KCNK12: variants seen among roughly 807,000 people sequenced by gnomAD.
KCNK12 encodes the protein potassium two pore domain channel subfamily K member 12.
In KCNK12, 6 loss-of-function variants were observed where a neutral mutation model predicts 25.3. That is an observed-to-expected ratio of 0.24 (90% CI 0.13 to 0.47). The LOEUF (loss-of-function observed/expected upper bound fraction) is 0.47, where lower values mean the gene tolerates loss of function less well. Among genes scored for constraint, KCNK12 ranks in the 20% least tolerant of loss-of-function variants. The pLI is 0.99. For synonymous variants in KCNK12, 331 were observed against 311.1 expected (o/e 1.06, Z -0.67); for missense variants, 444 against 661.7 (o/e 0.67, Z 3.61).
intron 1 of KCNK12, among the ~76,000 whole-genome samples, chr2:47,549,933 C>T (rs1193375501): frequency 2.1e-5 from 3 of 140,346 alleles, no homozygotes; most frequent in South Asian, 2.3e-4. Context: ...GACTCCACCT[C>T]GAAAAAAAAA....
chr2:47,528,199 A>C lies in KCNK12; in HGVS notation c.392-6391T>G, dbSNP rs1458395412. The C allele has an allele frequency of 6.6e-6, 1 of 152,306 alleles. No individual in the cohort carries two copies. Among genetic ancestry groups the C allele is most frequent in the African/African-American group, 2.4e-5 (1 of 41,456 alleles). 9.4% of individuals were successfully genotyped at this position (152,306 alleles called of 1,614,324 possible). ...CAGAATGAAGGGACAGGTGAGGCAG[A>C]AGGGTCTCCGACAGCGCACAGGGCA... On this transcript the variant is annotated intron_variant, in intron 1 of 1. Transcript: ENST00000327876. This position sits in a 1 kb window ranked among gnomAD's most constrained non-coding sequence, Gnocchi z 4.5.
intron 1 of KCNK12, among the ~76,000 whole-genome samples, chr2:47,546,337 G>T (rs1176037667): frequency 6.6e-6 from 1 of 152,236 alleles, no homozygotes; most frequent in Non-Finnish European, 1.5e-5. Context: ...AGGACTTTGT[G>T]TGTCAATATG....
At position 47,516,332 on chromosome 2, in the gene KCNK12, G is replaced by T. The variant is rs1339042316; in HGVS notation, c.*4575C>A. 6.6e-6 allele frequency among the ~76,000 whole-genome samples: 1 copy of T among 152,120 alleles called. No individual in the cohort carries two copies. The highest frequency in any genetic ancestry group is 2.1e-4 in the South Asian group (1 of 4,824). ...TTTAAAGCTCCATTTGGAGAGCCTC[G>T]GGCACAGCCAGGTTGGATCCATCTC... On this transcript the variant is annotated 3_prime_UTR_variant, in exon 2 of 2. Coordinates refer to ENST00000327876, the MANE Select transcript of KCNK12 (RefSeq NM_022055.2).
intron 1 of KCNK12, among the ~76,000 whole-genome samples, chr2:47,554,217 T>G (rs1243801748): frequency 6.6e-6 from 1 of 152,188 alleles, no homozygotes; most frequent in Admixed American, 6.5e-5. Context: ...AGAACCCTGT[T>G]CTCATGGAGC....
At chr2:47,522,199 T>G (rs1203204661) in intron 1 of KCNK12, among the ~76,000 whole-genome samples, 1 of 152,248 alleles carries the variant, frequency 6.6e-6, no homozygotes, top group Non-Finnish European at 1.5e-5. Flanking sequence ...CCAAATTTTT[T>G]TTTAAAAACT....
In KCNK12 at chr2:47,512,420, G is replaced by T. The variant is rs1247535400; in HGVS notation, c.*8487C>A. The T allele has an allele frequency of 6.2e-7, 1 of 1,608,724 alleles. No homozygotes were observed. The highest frequency in any genetic ancestry group is 8.5e-7 in the Non-Finnish European group (1 of 1,178,078). On this transcript the variant is annotated 3_prime_UTR_variant, in exon 2 of 2. Coordinates refer to ENST00000327876, the MANE Select transcript of KCNK12 (RefSeq NM_022055.2). ...GCCAGAGAGACAGAACCAGGGCAGT[G>T]GTGAGCTCTCATGACCTGGTGTCTG... is the stretch of plus-strand genomic sequence containing the variant.
At position 47,544,220 on chromosome 2, in the gene KCNK12, G is replaced by A. The variant is rs571965863; in HGVS notation, c.392-22412C>T. 1.3e-4 allele frequency among the ~76,000 whole-genome samples: 20 copies of A among 152,292 alleles called. No homozygotes were observed. The South Asian group carries it at 1.7e-3, about 13-fold the overall frequency. On this transcript the variant is annotated intron_variant, in intron 1 of 1. Coordinates refer to ENST00000327876, the MANE Select transcript of KCNK12 (RefSeq NM_022055.2). ...GCCCCCATTCCCCATCAGCATACAC[G>A]TGGTGTTTCGGGGATAAAGCTACAC...
chr2:47,531,563 A>G (rs1668930124), intron 1 of KCNK12, among the ~76,000 whole-genome samples: 1 of 152,056 alleles, frequency 6.6e-6, no homozygotes, highest in African/African-American at 2.4e-5. Context: ...GGGACAGTGC[A>G]GTGCCCAGGG....
rs1179123772 is a variant in KCNK12, at chr2:47,566,387, CAT to C, written c.391+3552_391+3553del. 2 of 152,106 alleles carry C rather than the reference CAT, an allele frequency of 1.3e-5. No homozygotes were observed. The highest frequency in any genetic ancestry group is 2.1e-4 in the South Asian group (1 of 4,820). 9.4% of individuals were successfully genotyped at this position (152,106 alleles called of 1,614,324 possible). A position where few individuals can be genotyped will look rare whatever the true frequency, so the allele number is the denominator to read the frequency against. On this transcript the variant is annotated intron_variant, in intron 1 of 1. Coordinates refer to ENST00000327876, the MANE Select transcript of KCNK12 (RefSeq NM_022055.2). This position sits in a 1 kb window ranked among gnomAD's most constrained non-coding sequence, Gnocchi z 4.1. ...GCTCCTTCTTCCCCTCCTCTATACACATGTGCTCTCAAGAGTGTGTGTGTGCA... is the reference window on the plus strand; with the variant it reads ...GCTCCTTCTTCCCCTCCTCTATACACGTGCTCTCAAGAGTGTGTGTGTGCA...
rs1669574564 is a variant in KCNK12, at chr2:47,557,541, T to C, written c.391+12400A>G. On this transcript the variant is annotated intron_variant, in intron 1 of 1. Coordinates refer to ENST00000327876, the MANE Select transcript of KCNK12 (RefSeq NM_022055.2). The surrounding 1 kb of genome is among the most constrained non-coding windows in gnomAD (Gnocchi z 4.9). ...CCCAAGACCAGGGCCCCCAGCATTC[T>C]CTCCCTAACCACTACATTGTACTGC... Among the ~76,000 whole-genome samples, 1 of 152,088 alleles carries C rather than the reference T, an allele frequency of 6.6e-6. No individual in the cohort carries two copies. Among genetic ancestry groups the C allele is most frequent in the African/African-American group, 2.4e-5 (1 of 41,382 alleles).
rs910099911 is a variant in KCNK12 at position 47,570,799 on chromosome 2, G to T, written c.-468C>A. ...AGCAAGGCGTGGAGAGAGCCCCCGG[G>T]GGCGTCCCATGAGGCGTTCGGGATC... On this transcript the variant is annotated 5_prime_UTR_variant, in exon 1 of 2. Coordinates refer to ENST00000327876, the MANE Select transcript of KCNK12 (RefSeq NM_022055.2). 2 of 152,318 alleles carry T rather than the reference G, an allele frequency of 1.3e-5. No individual in the cohort carries two copies. Among genetic ancestry groups the T allele is most frequent in the African/African-American group, 4.8e-5 (2 of 41,452 alleles). 9.4% of individuals were successfully genotyped at this position (152,318 alleles called of 1,614,324 possible).
intron 1 of KCNK12, among the ~76,000 whole-genome samples, chr2:47,549,673 C>T (rs58553398): frequency 0.097 from 14,799 of 152,152 alleles, 1,023 homozygotes; most frequent in African/African-American, 0.19. Context: ...CGGTGGCTCA[C>T]GCCTGTAATC....
intron 1 of KCNK12, among the ~76,000 whole-genome samples, chr2:47,526,369 G>A (rs186231181): frequency 2.5e-4 from 36 of 146,592 alleles, no homozygotes; most frequent in African/African-American, 8.9e-4. Flanking sequence ...TTGCGCCACT[G>A]CACTCCAGCC....
rs962565785 is a variant in KCNK12, at chr2:47,542,201, G to T, written c.392-20393C>A. Among the ~76,000 whole-genome samples the T allele has an allele frequency of 1.3e-5, 2 of 152,194 alleles. 1 individual carries two copies. The highest frequency in any genetic ancestry group is 1.3e-4 in the Admixed American group (2 of 15,286). ...GTTCTCATCATACCACTTCTGTCGA[G>T]GCTCTCTCTGACGCAGCTCTCCTCA... On this transcript the variant is annotated intron_variant, in intron 1 of 1. Transcript: ENST00000327876.
At chr2:47,553,138 G>T (rs115761731) in intron 1 of KCNK12, among the ~76,000 whole-genome samples, 1 of 152,234 alleles carries the variant, frequency 6.6e-6, no homozygotes, top group Non-Finnish European at 1.5e-5. Flanking sequence ...CCATGACCCT[G>T]TGAGGTAGAC....
rs748154533 is a variant in KCNK12 at position 47,555,243 on chromosome 2, C to T, written c.391+14698G>A. ...GTGAGGGGGATCAGAGTATGCCATC[C>T]CCAAATATGTCACTTTAGCACAAGG... On this transcript the variant is annotated intron_variant, in intron 1 of 1. Transcript: ENST00000327876. This position sits in a 1 kb window ranked among gnomAD's most constrained non-coding sequence, Gnocchi z 4.5. Among the ~76,000 whole-genome samples the T allele has an allele frequency of 1.3e-5, 2 of 152,110 alleles. No homozygotes were observed. The highest frequency in any genetic ancestry group is 2.9e-5 in the Non-Finnish European group (2 of 68,024).
At position 47,529,511 on chromosome 2, in the gene KCNK12, C is replaced by T. The variant is rs1480267402; in HGVS notation, c.392-7703G>A. Among the ~76,000 whole-genome samples the T allele has an allele frequency of 6.6e-6, 1 of 152,208 alleles. No homozygotes were observed. The highest frequency in any genetic ancestry group is 1.5e-5 in the Non-Finnish European group (1 of 68,048). ...TGACCTAAAATTTTTGTGGTGGGCA[C>T]TGCAGCTCTCTCCTTACCAATCATT... is the stretch of plus-strand genomic sequence containing the variant. On this transcript the variant is annotated intron_variant, in intron 1 of 1. Coordinates refer to ENST00000327876, the MANE Select transcript of KCNK12 (RefSeq NM_022055.2). The surrounding 1 kb of genome is among the most constrained non-coding windows in gnomAD (Gnocchi z 4.3).
At position 47,538,410 on chromosome 2, in the gene KCNK12, G is replaced by C. The variant is rs770173595; in HGVS notation, c.392-16602C>G. Among the ~76,000 whole-genome samples the C allele has an allele frequency of 5.6e-4, 85 of 152,274 alleles. No homozygotes were observed. Among genetic ancestry groups the C allele is most frequent in the Admixed American group, 1.5e-3 (23 of 15,294 alleles). On this transcript the variant is annotated intron_variant, in intron 1 of 1. Transcript: ENST00000327876. The surrounding 1 kb of genome is among the most constrained non-coding windows in gnomAD (Gnocchi z 4.5). ...TGTTTGATAAAGGACTAGGGTAAGA[G>C]TGTTTCAGGCTAGTCAACAGCACGA...
Position 47,512,769 on chromosome 2 carries a change from G to C in KCNK12, c.*8138C>G, listed in dbSNP as rs538433773. On this transcript the variant is annotated 3_prime_UTR_variant, in exon 2 of 2. Transcript: ENST00000327876. The stretch of plus-strand genomic sequence containing the variant: ...TACCACTGGGAGAGCCTGTTGGTTG[G>C]GGAGGGCAGGAAGAGGGAGGAAAGA... 64 of 217,350 alleles carry C rather than the reference G, an allele frequency of 2.9e-4. No homozygotes were observed. The highest frequency in any genetic ancestry group is 1.2e-3 in the African/African-American group (54 of 43,636). The allele number at this position is 217,350 out of a possible 1,614,324, so 13.5% of individuals were successfully genotyped here. A position where few individuals can be genotyped will look rare whatever the true frequency, so the allele number is the denominator to read the frequency against.
Sources: allele counts gnomAD v4.1 joint callset (sites outside exome capture counted in the v4.1 genomes callset), GRCh38; gene constraint gnomAD v4.1.1; non-coding constraint Gnocchi (gnomAD v3.1); transcripts MANE v1.5; gene names NCBI Gene and HGNC (gene_info 2026-07-23, HGNC 2026-07-21).